Variants in WDR49 observed in about 807,000 individuals in gnomAD.
WDR49 encodes the protein cilia- and flagella-associated protein 337.
In WDR49, 107 loss-of-function variants were observed where a neutral mutation model predicts 119.5. The ratio of observed to expected loss-of-function variants is 0.90; its 90% CI spans 0.77 to 1.05. The LOEUF is 1.05. Ranked by LOEUF, WDR49 falls within the 50% of genes least tolerant of loss-of-function variation. The pLI is 0.00. For missense variants in WDR49, 1,240 were observed against 1,220.5 expected (o/e 1.02, Z -0.24); for synonymous variants, 425 against 418.8 (o/e 1.01, Z -0.18).
chr3:167,548,884 A>T (rs1031077227), intron 10 of WDR49, among the ~76,000 whole-genome samples: 6 of 151,508 alleles, frequency 4.0e-5, no homozygotes, highest in South Asian at 2.1e-4. Context: ...GATGTTCCCC[A>T]CCCTGTGTCC....
At chr3:167,634,854 G>A (rs1717540512) in intron 2 of WDR49, among the ~76,000 whole-genome samples, 2 of 151,730 alleles carry the variant, frequency 1.3e-5, no homozygotes, top group South Asian at 2.1e-4. Context: ...CATTTATAAT[G>A]CCATCAGCCT....
chr3:167,558,401 A>G (rs1577238976), intron 9 of WDR49, among the ~76,000 whole-genome samples: 2 of 152,190 alleles, frequency 1.3e-5, no homozygotes, highest in Non-Finnish European at 2.9e-5. Context: ...GGAAAATGTC[A>G]TTCATTCTTG....
intron 7 of WDR49, among the ~76,000 whole-genome samples, chr3:167,578,177 C>T (rs1453438317): frequency 1.3e-5 from 2 of 152,140 alleles, no homozygotes; most frequent in Non-Finnish European, 2.9e-5. Context: ...CTCACTACCA[C>T]CTACCATGGT....
intron 10 of WDR49, among the ~76,000 whole-genome samples, chr3:167,547,623 T>C (rs894073073): frequency 6.6e-6 from 1 of 150,468 alleles, no homozygotes; most frequent in Admixed American, 6.6e-5. Flanking sequence ...AAGGAAGAAA[T>C]GAAACTGTCC....
chr3:167,657,321 T>C (rs1718628238), upstream of WDR49, among the ~76,000 whole-genome samples: 2 of 152,182 alleles, frequency 1.3e-5, no homozygotes, highest in Non-Finnish European at 2.9e-5. Context: ...AGTTTCTATG[T>C]ATATAAAATA....
intron 10 of WDR49, among the ~76,000 whole-genome samples, chr3:167,551,928 T>C (rs1015322589): frequency 1.3e-5 from 2 of 151,926 alleles, no homozygotes; most frequent in Non-Finnish European, 2.9e-5. Flanking sequence ...ACATTTTGTC[T>C]CTATACTGAG....
At chr3:167,481,294 C>T (rs770188853) in intron 18 of WDR49, among the ~76,000 whole-genome samples, 4 of 151,948 alleles carry the variant, frequency 2.6e-5, no homozygotes, top group Admixed American at 1.3e-4. Flanking sequence ...ATTAAAACAG[C>T]AGTTGCCTCT....
At chr3:167,599,622 C>T (rs1715661244) in intron 7 of WDR49, among the ~76,000 whole-genome samples, 1 of 152,208 alleles carries the variant, frequency 6.6e-6, no homozygotes, top group Non-Finnish European at 1.5e-5. Context: ...CTTTACTTAA[C>T]TTCTGCTTTT....
intron 17 of WDR49, among the ~76,000 whole-genome samples, chr3:167,502,179 C>T (rs1221911449): frequency 2.0e-5 from 3 of 152,282 alleles, no homozygotes; most frequent in Admixed American, 1.3e-4. Context: ...TGTGATGTTG[C>T]CTGCTTCCCC....
chr3:167,574,024 T>G (rs745518967), intron 8 of WDR49, among the ~76,000 whole-genome samples: 2 of 152,218 alleles, frequency 1.3e-5, no homozygotes, highest in Non-Finnish European at 1.5e-5. Context: ...TCAGGCAGAA[T>G]TGATCACTCT....
upstream of WDR49, among the ~76,000 whole-genome samples, chr3:167,654,827 G>T (rs1227923313): frequency 6.6e-6 from 1 of 151,756 alleles, no homozygotes; most frequent in Non-Finnish European, 1.5e-5. Context: ...TGAACCTGGG[G>T]GGCAGAGGTT....
At chr3:167,502,557 G>C (rs1751614263) in intron 17 of WDR49, among the ~76,000 whole-genome samples, 1 of 152,170 alleles carries the variant, frequency 6.6e-6, no homozygotes. Flanking sequence ...GGACAGTGAA[G>C]TACAGGCTGA....
chr3:167,581,549 A>G (rs1416394038), intron 7 of WDR49, among the ~76,000 whole-genome samples: 1 of 152,210 alleles, frequency 6.6e-6, no homozygotes, highest in Non-Finnish European at 1.5e-5. Context: ...AATGTAGGAC[A>G]TCACCATGTT....
At chr3:167,571,809 CA>C (rs571021588) in intron 8 of WDR49, among the ~76,000 whole-genome samples, 1 of 151,914 alleles carries the variant, frequency 6.6e-6, no homozygotes, top group East Asian at 1.9e-4. Context: ...ATGCAATTAC[CA>C]AAAAAAGTTA....
At chr3:167,612,541 T>C (rs758064865) in intron 5 of WDR49, among the ~76,000 whole-genome samples, 1 of 151,532 alleles carries the variant, frequency 6.6e-6, no homozygotes, top group Non-Finnish European at 1.5e-5. Flanking sequence ...AAAGTTTATT[T>C]TTGGACAAGT....
intron 10 of WDR49, among the ~76,000 whole-genome samples, chr3:167,548,479 C>G (rs1326420759): frequency 6.6e-6 from 1 of 151,986 alleles, no homozygotes; most frequent in East Asian, 1.9e-4. Flanking sequence ...TGCTGCAACT[C>G]TCCTGCAATG....
At chr3:167,568,450 C>T (rs778126326) in intron 8 of WDR49, among the ~76,000 whole-genome samples, 10 of 152,078 alleles carry the variant, frequency 6.6e-5, no homozygotes, top group Non-Finnish European at 1.0e-4. Context: ...ATTTTCAATA[C>T]GAGGTAAAAA....
rs147930669 is a variant in WDR49, at chr3:167,484,505, G to A, written c.3032-5509C>T. ...ACCAATGAAAGTTTCTGCCTGTGCC[G>A]AGCCTGCCATGATCTTTTCTTCTTG... On this transcript the variant is annotated intron_variant, in intron 18 of 18. Coordinates refer to ENST00000682715, the MANE Select transcript of WDR49 (RefSeq NM_001366157.1). 3.9e-3 allele frequency among the ~76,000 whole-genome samples: 586 copies of A among 151,936 alleles called. 3 individuals are homozygous for A. Among genetic ancestry groups the A allele is most frequent in the African/African-American group, 0.013 (555 of 41,444 alleles).
rs370361855 is a variant in WDR49, at chr3:167,605,012, TTGTGTG to T, written c.959-550_959-545del. Reference sequence around the variant, plus strand: ...TTTTGGTATAATAACTTAATTTGCTTTGTGTGTGTGTGTGTGTGTGTGTGTGTGTGT... The same window carrying T: ...TTTTGGTATAATAACTTAATTTGCTTTGTGTGTGTGTGTGTGTGTGTGTGT... On this transcript the variant is annotated intron_variant, in intron 5 of 18. Transcript: ENST00000682715. Among the ~76,000 whole-genome samples, 379 of 143,454 alleles carry T rather than the reference TTGTGTG, an allele frequency of 2.6e-3. 2 individuals carry two copies. Among genetic ancestry groups the T allele is most frequent in the Non-Finnish European group, 3.6e-3 (233 of 64,628 alleles). The allele number at this position is 143,454 out of a possible 152,430, so 94.1% of individuals were successfully genotyped here.
Sources: allele counts gnomAD v4.1 joint callset (sites outside exome capture counted in the v4.1 genomes callset), GRCh38; gene constraint gnomAD v4.1.1; transcripts MANE v1.5; gene names NCBI Gene and HGNC (gene_info 2026-07-23, HGNC 2026-07-21).